OTOGL: variants seen among roughly 807,000 people sequenced by gnomAD.
OTOGL encodes otogelin like.
In OTOGL, 285 loss-of-function variants were observed where a neutral mutation model predicts 318.5. The ratio of observed to expected loss-of-function variants is 0.89; its 90% CI spans 0.81 to 0.99. The LOEUF (loss-of-function observed/expected upper bound fraction) is 0.99, where lower values mean the gene tolerates loss of function less well. Among genes scored for constraint, OTOGL ranks in the 50% least tolerant of loss-of-function variants. The pLI is 0.00. For missense variants in OTOGL, 2,899 were observed against 2,845.6 expected, an observed-to-expected ratio of 1.02 and a Z score of -0.43; for synonymous variants, 987 against 936.5, an observed-to-expected ratio of 1.05 and a Z score of -0.99.
At chr12:80,191,351 T>C (rs966212164) in intron 1 of OTOGL, among the ~76,000 whole-genome samples, 2 of 152,048 alleles carry the variant, frequency 1.3e-5, no homozygotes, top group African/African-American at 4.8e-5. Flanking sequence ...GACAGGAGAA[T>C]CGCTTGAACC....
Position 80,171,855 on chromosome 12 carries a change from T to C in OTOGL, c.-19-37558T>C, listed in dbSNP as rs1471669375. Among the ~76,000 whole-genome samples the C allele has an allele frequency of 2.0e-5, 3 of 152,164 alleles. No individual in the cohort carries two copies. The East Asian group carries it at 5.8e-4, about 29-fold the overall frequency. On this transcript the variant is annotated intron_variant, in intron 1 of 58. Coordinates refer to ENST00000547103, the MANE Select transcript of OTOGL (RefSeq NM_001378609.3). Reference sequence around the variant, plus strand: ...ATCTTTTGATTCTATAAATATTCTCTATTATTCTTCTTAGTTTCATTGTTT... The same window carrying C: ...ATCTTTTGATTCTATAAATATTCTCCATTATTCTTCTTAGTTTCATTGTTT...
chr12:80,328,153 C>T (rs1024828840), intron 35 of OTOGL, among the ~76,000 whole-genome samples: 2 of 151,130 alleles, frequency 1.3e-5, no homozygotes, highest in African/African-American at 4.9e-5. Flanking sequence ...CTCATCTCTA[C>T]AAAAAAATAG....
At chr12:80,120,225 A>G (rs1870408250) in intron 1 of OTOGL, among the ~76,000 whole-genome samples, 1 of 152,134 alleles carries the variant, frequency 6.6e-6, no homozygotes, top group African/African-American at 2.4e-5. Flanking sequence ...TTTTCAGATA[A>G]TGCAAAAAGA....
intron 29 of OTOGL, among the ~76,000 whole-genome samples, chr12:80,306,298 A>G (rs1022964942): frequency 6.6e-6 from 1 of 152,212 alleles, no homozygotes; most frequent in Non-Finnish European, 1.5e-5. Context: ...TTACTGACAT[A>G]ATATATATTT....
At chr12:80,261,918 G>A in intron 18 of OTOGL, 51 bp from the exon 19 acceptor site, 1 of 1,577,102 alleles carries the variant, frequency 6.3e-7, no homozygotes, top group Non-Finnish European at 8.6e-7. Flanking sequence ...TGAAGGTTAT[G>A]AACAAATGAA....
In OTOGL at chr12:80,352,444, ACTG is replaced by A. The variant is rs528748723; in HGVS notation, c.5407+9_5407+11del. The A allele has an allele frequency of 4.8e-6, 7 of 1,463,622 alleles. No individual in the cohort carries two copies. In the East Asian group the frequency reaches 9.9e-5, roughly 21 times the overall value. The allele number at this position is 1,463,622 out of a possible 1,614,324, so 90.7% of individuals were successfully genotyped here. On this transcript the variant is annotated intron_variant, in intron 45 of 58. Transcript: ENST00000547103. Reference sequence around the variant, plus strand: ...GAACACCTGATTACTGCTGTGAGTAACTGTTAACTGAATATTTTTCCATCATAA... The same window carrying A: ...GAACACCTGATTACTGCTGTGAGTAATTAACTGAATATTTTTCCATCATAA...
chr12:80,258,131 T>C, intron 18 of OTOGL, 129 bp downstream of exon 18: 4 of 851,280 alleles, frequency 4.7e-6, no homozygotes, highest in Non-Finnish European at 6.7e-6. Context: ...ACATGGATCA[T>C]CGTATTTAAA....
intron 49 of OTOGL, 128 bp from the exon 50 acceptor site, chr12:80,358,120 A>G: frequency 1.5e-6 from 1 of 672,074 alleles, no homozygotes. Context: ...ATAAGGAAAT[A>G]TACCTCATGT....
At chr12:80,256,761 G>C (rs1288521759) in intron 17 of OTOGL, among the ~76,000 whole-genome samples, 1 of 152,124 alleles carries the variant, frequency 6.6e-6, no homozygotes, top group East Asian at 1.9e-4. Context: ...GAGTCTAAAT[G>C]AGGTGCAGCT....
At chr12:80,296,500 T>C (rs1885407976) in intron 26 of OTOGL, among the ~76,000 whole-genome samples, 1 of 152,188 alleles carries the variant, frequency 6.6e-6, no homozygotes, top group Non-Finnish European at 1.5e-5. Flanking sequence ...TTTAAAGATT[T>C]CCCTAAGTGA....
rs1436533429 is a variant in OTOGL at position 80,342,117 on chromosome 12, C to T, written c.5220C>T (p.Cys1740=). 6.3e-7 allele frequency: 1 copy of T among 1,599,398 alleles called. No individual in the cohort carries two copies. Residue 1740 remains cysteine (C), a synonymous_variant, in exon 44 of 59, where the codon TGC becomes TGT. Coordinates refer to ENST00000547103, the MANE Select transcript of OTOGL (RefSeq NM_001378609.3). ...RNCTEHDCSQ[C]IDLLNRRIFI... ...GTACTGAGCATGATTGCAGCCAGTG[C>T]ATTGATTTATTAAATAGAAGAATTT...
intron 1 of OTOGL, chr12:80,208,312 G>T: frequency 2.2e-6 from 1 of 463,144 alleles, no homozygotes; most frequent in Non-Finnish European, 4.3e-6. Flanking sequence ...CATTAGTTAG[G>T]ATGTCAAGAA....
chr12:80,253,332 A>T, intron 13 of OTOGL, 134 bp from the exon 14 acceptor site: 1 of 759,994 alleles, frequency 1.3e-6, no homozygotes, highest in Non-Finnish European at 2.1e-6. Context: ...CAGTAATCCC[A>T]CTGAAAGTAA....
At chr12:80,327,816 G>A (rs1419773392) in intron 35 of OTOGL, among the ~76,000 whole-genome samples, 3 of 151,390 alleles carry the variant, frequency 2.0e-5, no homozygotes, top group East Asian at 2.0e-4. Flanking sequence ...AAAATTAGCC[G>A]GGTGTGGTGG....
At chr12:80,222,645 C>G (rs1388277903) in intron 7 of OTOGL, among the ~76,000 whole-genome samples, 2 of 152,118 alleles carry the variant, frequency 1.3e-5, no homozygotes, top group Non-Finnish European at 2.9e-5. Context: ...CTTAGGAGAC[C>G]TCTCGAAAAT....
intron 9 of OTOGL, among the ~76,000 whole-genome samples, chr12:80,236,296 G>C (rs553308384): frequency 1.3e-5 from 2 of 152,192 alleles, no homozygotes; most frequent in African/African-American, 4.8e-5. Context: ...AATAATGCCT[G>C]CCTTTCTCTC....
rs528776314 is a variant in OTOGL at position 80,332,054 on chromosome 12, A to G, written c.4349-951A>G. On this transcript the variant is annotated intron_variant, in intron 37 of 58. Transcript: ENST00000547103. ...TCATAGAAGCTGGAAGAGACCAGGA[A>G]ACAGAGTCTCCCTTAGAGCCTCCAG... Among the ~76,000 whole-genome samples, 39 of 152,288 alleles carry G rather than the reference A, an allele frequency of 2.6e-4. 2 individuals carry two copies. The South Asian group carries it at 5.6e-3, about 22-fold the overall frequency.
chr12:80,356,801 C>G lies in OTOGL; in HGVS notation c.5912-6C>G. ...CAAATTTTCTAATGTAATTTTGTTT[C>G]TGCAGAATGTGACCCATTGAAATGC... On this transcript the variant is annotated splice_region_variant and splice_polypyrimidine_tract_variant and intron_variant, in intron 48 of 58. Coordinates refer to ENST00000547103, the MANE Select transcript of OTOGL (RefSeq NM_001378609.3). 6.4e-7 allele frequency: 1 copy of G among 1,557,282 alleles called. No homozygotes were observed.
chr12:80,182,108 C>T (rs891206496), intron 1 of OTOGL, among the ~76,000 whole-genome samples: 7 of 152,076 alleles, frequency 4.6e-5, no homozygotes, highest in Non-Finnish European at 7.3e-5. Context: ...GCCATGATCA[C>T]GCCACTGCAC....
Sources: allele counts gnomAD v4.1 joint callset (sites outside exome capture counted in the v4.1 genomes callset), GRCh38; gene constraint gnomAD v4.1.1; transcripts MANE v1.5; gene names NCBI Gene and HGNC (gene_info 2026-07-23, HGNC 2026-07-21).